Variants in SNTB1 observed in about 807,000 individuals in gnomAD.
SNTB1 encodes beta-1-syntrophin.
Under a neutral mutation model 48.9 loss-of-function variants are expected in SNTB1, and 36 were observed. The observed-to-expected ratio is 0.74, with a 90% CI of 0.56 to 0.97. The LOEUF is 0.97. Among genes scored for constraint, SNTB1 ranks in the 50% least tolerant of loss-of-function variants. SNTB1 has a pLI of 0.00. For missense variants in SNTB1, 786 were observed against 703.4 expected (o/e 1.12, Z -1.33); for synonymous variants, 299 against 294.6 (o/e 1.01, Z -0.15).
chr8:120,734,652 T>C (rs896530659), intron 1 of SNTB1, among the ~76,000 whole-genome samples: 1 of 152,146 alleles, frequency 6.6e-6, no homozygotes, highest in Non-Finnish European at 1.5e-5. Context: ...AGATGGCAAT[T>C]CTAGGGTTCA....
chr8:120,775,755 G>A (rs1819725118), intron 1 of SNTB1, among the ~76,000 whole-genome samples: 1 of 147,922 alleles, frequency 6.8e-6, no homozygotes, highest in African/African-American at 2.5e-5. Flanking sequence ...AGGAAGGAAG[G>A]AAAGAAGGAA....
At chr8:120,690,110 G>C (rs144581071) in intron 2 of SNTB1, among the ~76,000 whole-genome samples, 1 of 151,964 alleles carries the variant, frequency 6.6e-6, no homozygotes, top group Admixed American at 6.6e-5. Flanking sequence ...GAGACAGAGA[G>C]ACCATATTCA....
rs373814060 is a variant in SNTB1, at chr8:120,811,721, C to T, written c.123G>A (p.Leu41=). The change falls in exon 1 of 7, where the codon TTG becomes TTA. Residue 41 remains leucine (L), a synonymous_variant. Transcript: ENST00000517992. ...TGCTCAGAACCAGGGCGTCCTCGCTCAAGTTCACCAGAACTTTGTGCCAGC... is the reference window on the plus strand; with the variant it reads ...TGCTCAGAACCAGGGCGTCCTCGCTTAAGTTCACCAGAACTTTGTGCCAGC... ...RDRWHKVLVN[L]SEDALVLSSE... is the part of the protein sequence containing the mutation. 6 of 1,574,118 alleles carry T rather than the reference C, an allele frequency of 3.8e-6. No individual in the cohort carries two copies. Among genetic ancestry groups the T allele is most frequent in the Non-Finnish European group, 4.3e-6 (5 of 1,165,200 alleles).
chr8:120,683,604 AT>A (rs78221475), intron 2 of SNTB1, among the ~76,000 whole-genome samples: 16,282 of 152,170 alleles, frequency 0.11, 1,130 homozygotes, highest in East Asian at 0.23. Flanking sequence ...AGGACTTGGA[AT>A]TTGACAAATA....
At chr8:120,785,697 C>T (rs977462525) in intron 1 of SNTB1, among the ~76,000 whole-genome samples, 8 of 148,096 alleles carry the variant, frequency 5.4e-5, no homozygotes, top group Admixed American at 2.0e-4. Context: ...TGCTCCATGG[C>T]CCCGCCCACT....
chr8:120,671,573 A>G (rs1237657054), intron 2 of SNTB1, among the ~76,000 whole-genome samples: 3 of 152,208 alleles, frequency 2.0e-5, no homozygotes, highest in African/African-American at 7.2e-5. Flanking sequence ...ATTCTTCTCT[A>G]GAGGCTTCGA....
chr8:120,574,998 G>T, intron 4 of SNTB1, 88 bp downstream of exon 4: 1 of 1,516,678 alleles, frequency 6.6e-7, no homozygotes, highest in Non-Finnish European at 9.1e-7. Flanking sequence ...GCAATAGTGA[G>T]CAGTAATATA....
chr8:120,604,006 G>C (rs554373159), intron 3 of SNTB1, among the ~76,000 whole-genome samples: 4 of 152,216 alleles, frequency 2.6e-5, no homozygotes, highest in East Asian at 1.9e-4. Context: ...GCTCTTCCAG[G>C]GTTCCATACC....
In SNTB1 at chr8:120,811,890, AGTGGGGAAGG is replaced by A. The variant is rs1381333472; in HGVS notation, c.-57_-48del. 3.9e-6 allele frequency: 5 copies of A among 1,293,684 alleles called. No homozygotes were observed. The East Asian group carries it at 1.6e-4, about 42-fold the overall frequency. 80.1% of individuals were successfully genotyped at this position (1,293,684 alleles called of 1,614,324 possible). A position where few individuals can be genotyped will look rare whatever the true frequency, so the allele number is the denominator to read the frequency against. ...CCATGTGATTGGAAAAGGGGGGAAA[AGTGGGGAAGG>A]GTGGCCGGGGGGAGGACGCGGGGCC... On this transcript the variant is annotated 5_prime_UTR_variant, in exon 1 of 7. Transcript: ENST00000517992.
intron 3 of SNTB1, among the ~76,000 whole-genome samples, chr8:120,617,509 T>C (rs1218454261): frequency 2.0e-5 from 3 of 152,204 alleles, no homozygotes; most frequent in Admixed American, 6.5e-5. Context: ...GAAGACTGAA[T>C]TGATATGTAA....
At chr8:120,792,220 G>T (rs977987229) in intron 1 of SNTB1, among the ~76,000 whole-genome samples, 5 of 151,672 alleles carry the variant, frequency 3.3e-5, no homozygotes, top group African/African-American at 1.2e-4. Context: ...TGAGACGAGA[G>T]GCCATTATTC....
At chr8:120,620,101 CAT>C (rs1157242162) in intron 3 of SNTB1, among the ~76,000 whole-genome samples, 10 of 152,020 alleles carry the variant, frequency 6.6e-5, no homozygotes, top group Admixed American at 5.9e-4. Context: ...CACACACACA[CAT>C]ATAGTAGCAT....
At chr8:120,602,831 AT>A (rs1452021621) in intron 3 of SNTB1, among the ~76,000 whole-genome samples, 1 of 151,310 alleles carries the variant, frequency 6.6e-6, no homozygotes, top group Non-Finnish European at 1.5e-5. Flanking sequence ...TTTAAAAGTC[AT>A]TTTAAATGTC....
rs544732604 is a variant in SNTB1, at chr8:120,780,730, C to A, written c.571+30543G>T. 3.9e-5 allele frequency among the ~76,000 whole-genome samples: 6 copies of A among 152,322 alleles called. No homozygotes were observed. The South Asian group carries it at 1.2e-3, about 32-fold the overall frequency. ...ACTGGCACCACAAATGATCAACTGACATCTTCATAGCAGTTTAGTTCATGT... is the reference window on the plus strand; with the variant it reads ...ACTGGCACCACAAATGATCAACTGAAATCTTCATAGCAGTTTAGTTCATGT... On this transcript the variant is annotated intron_variant, in intron 1 of 6. Transcript: ENST00000517992.
Position 120,696,551 on chromosome 8 carries a change from G to C in SNTB1, c.572-2643C>G, listed in dbSNP as rs945050884. 2.0e-5 allele frequency among the ~76,000 whole-genome samples: 3 copies of C among 152,150 alleles called. No homozygotes were observed. In the East Asian group the frequency reaches 5.8e-4, roughly 29 times the overall value. On this transcript the variant is annotated intron_variant, in intron 1 of 6. Coordinates refer to ENST00000517992, the MANE Select transcript of SNTB1 (RefSeq NM_021021.4). ...CTCATTTTATATACAAGGAAACTAA[G>C]GTCTAGAGAAGGTATGGATAAGGTA...
At chr8:120,670,190 G>A (rs1817736754) in intron 2 of SNTB1, among the ~76,000 whole-genome samples, 1 of 152,216 alleles carries the variant, frequency 6.6e-6, no homozygotes. Context: ...AGGATTCATA[G>A]TTTGGTGGAG....
At chr8:120,762,946 C>T (rs1192634238) in intron 1 of SNTB1, among the ~76,000 whole-genome samples, 2 of 152,096 alleles carry the variant, frequency 1.3e-5, no homozygotes, top group Admixed American at 6.5e-5. Flanking sequence ...TGTCAAGAAT[C>T]CTATGTAGTA....
intron 1 of SNTB1, among the ~76,000 whole-genome samples, chr8:120,737,029 A>C (rs910255991): frequency 6.6e-6 from 1 of 152,200 alleles, no homozygotes; most frequent in African/African-American, 2.4e-5. Context: ...CATCAACGTG[A>C]TATATTAGCA....
At chr8:120,728,513 C>T (rs560756093) in intron 1 of SNTB1, among the ~76,000 whole-genome samples, 1 of 152,236 alleles carries the variant, frequency 6.6e-6, no homozygotes, top group South Asian at 2.1e-4. Context: ...CTAGTAGTCC[C>T]CATTGTCTAT....
Sources: gnomAD v4.1 joint callset for allele counts (sites outside exome capture counted in the v4.1 genomes callset) on GRCh38, gnomAD v4.1.1 for gene constraint, MANE v1.5 for transcripts, NCBI Gene and HGNC (gene_info 2026-07-23, HGNC 2026-07-21) for gene names.